Variants in RYR2 observed in about 807,000 individuals in gnomAD.
RYR2 encodes ryanodine receptor 2, also known as cardiac muscle ryanodine receptor-calcium release channel.
In RYR2, 227 loss-of-function variants were observed where a neutral mutation model predicts 601.1. The ratio of observed to expected loss-of-function variants is 0.38; its 90% confidence interval spans 0.34 to 0.42. RYR2 has a LOEUF of 0.42. Ranked by LOEUF, RYR2 falls within the 10% of genes least tolerant of loss-of-function variation. The pLI is 1.00. For synonymous variants in RYR2, 2,223 were observed against 2,175.1 expected (o/e 1.02, Z -0.61); for missense variants, 4,646 against 6,156.5 (o/e 0.75, Z 8.21).
At chr1:237,280,580 A>C (rs901646347) in intron 2 of RYR2, among the ~76,000 whole-genome samples, 5 of 152,220 alleles carry the variant, frequency 3.3e-5, no homozygotes, top group African/African-American at 1.2e-4. Flanking sequence ...TAAGTGTGGC[A>C]GAAAGGAAAT....
At chr1:237,408,362 T>A (rs961993114) in intron 10 of RYR2, among the ~76,000 whole-genome samples, 3 of 144,316 alleles carry the variant, frequency 2.1e-5, no homozygotes, top group Non-Finnish European at 4.5e-5. Flanking sequence ...AGTTAATTTT[T>A]ATGAAGGGCG....
rs71663222 is a variant in RYR2 at position 237,264,699 on chromosome 1, A to AT, written c.49-5785dup. Among the ~76,000 whole-genome samples, 529 of 147,162 alleles carry AT rather than the reference A, an allele frequency of 3.6e-3. 3 individuals are homozygous for AT. Among genetic ancestry groups the AT allele is most frequent in the African/African-American group, 0.011 (431 of 40,170 alleles). On this transcript the variant is annotated intron_variant, in intron 1 of 104. Coordinates refer to ENST00000366574, the MANE Select transcript of RYR2 (RefSeq NM_001035.3). The stretch of plus-strand genomic sequence containing the variant: ...CAGTTTATTTTTTATTATTATTATT[A>AT]TTTTTTTTTTTTTGAGACGGAGTCT...
At chr1:237,085,993 G>A (rs909644153) in intron 1 of RYR2, among the ~76,000 whole-genome samples, 4 of 152,174 alleles carry the variant, frequency 2.6e-5, no homozygotes, top group African/African-American at 4.8e-5. Context: ...GAGCTCAAGC[G>A]ACCTGACTGC....
chr1:237,352,773 T>A, intron 3 of RYR2: 2 of 460,588 alleles, frequency 4.3e-6, no homozygotes, highest in Non-Finnish European at 4.4e-6. Flanking sequence ...AGTAGATCTG[T>A]ACATTTGTGT....
At chr1:237,082,304 T>C (rs6662736) in intron 1 of RYR2, among the ~76,000 whole-genome samples, 8,297 of 142,798 alleles carry the variant, frequency 0.058, 773 homozygotes, top group African/African-American at 0.24. Context: ...GCACTAAGCA[T>C]GACTCTATTC....
At chr1:237,191,995 G>A (rs1680011741) in intron 1 of RYR2, among the ~76,000 whole-genome samples, 1 of 151,988 alleles carries the variant, frequency 6.6e-6, no homozygotes, top group African/African-American at 2.4e-5. Flanking sequence ...TTCCTTCCAT[G>A]GTCTTATCAC....
At position 237,655,930 on chromosome 1, in the gene RYR2, A is replaced by G. The variant is rs370072276; in HGVS notation, c.8075A>G (p.Gln2692Arg). Residue 2692 changes from glutamine (Q) to arginine (R), a missense_variant, in exon 53 of 105, where the codon CAG becomes CGG. Transcript: ENST00000366574. The part of the protein sequence containing the change: ...ESNYVSMMEK[Q>R]SSMDSEGNFN... ...AATTATGTCAGTATGATGGAAAAACAGTCATCAATGGATTCTGAAGGGAAC... is the reference window on the plus strand; with the variant it reads ...AATTATGTCAGTATGATGGAAAAACGGTCATCAATGGATTCTGAAGGGAAC... 2 of 1,613,270 alleles carry G rather than the reference A, an allele frequency of 1.2e-6. No individual in the cohort carries two copies. Among genetic ancestry groups the G allele is most frequent in the African/African-American group, 2.7e-5 (2 of 74,912 alleles).
intron 29 of RYR2, among the ~76,000 whole-genome samples, chr1:237,575,971 A>T (rs1454390700): frequency 6.6e-6 from 1 of 151,808 alleles, no homozygotes; most frequent in Non-Finnish European, 1.5e-5. Flanking sequence ...AGTTAAGAAA[A>T]GTAAATTAAA....
At chr1:237,302,203 T>C (rs1239588652) in intron 2 of RYR2, among the ~76,000 whole-genome samples, 2 of 152,210 alleles carry the variant, frequency 1.3e-5, no homozygotes, top group East Asian at 1.9e-4. Flanking sequence ...TTTCTGTTAT[T>C]TTACTGATTC....
chr1:237,613,360 T>G (rs1678097352), intron 36 of RYR2, among the ~76,000 whole-genome samples: 1 of 152,222 alleles, frequency 6.6e-6, no homozygotes, highest in Non-Finnish European at 1.5e-5. Context: ...GTATCATCAG[T>G]GCGCAGTGCT....
chr1:237,377,405 C>T lies in RYR2; in HGVS notation c.546C>T (p.Ile182=). 6.2e-7 allele frequency: 1 copy of T among 1,613,658 alleles called. No individual in the cohort carries two copies. The highest frequency in any genetic ancestry group is 8.5e-7 in the Non-Finnish European group (1 of 1,179,664). Residue 182 remains isoleucine, a synonymous_variant, in exon 8 of 105, where the codon ATC becomes ATT. Coordinates refer to ENST00000366574, the MANE Select transcript of RYR2 (RefSeq NM_001035.3). The part of the protein sequence containing the change: ...GEKVRVGDDL[I]LVSVSSERYL... ...AAGTACGAGTTGGAGATGACCTCAT[C>T]TTAGTTAGCGTGTCCTCTGAAAGGT...
At chr1:237,522,199 G>A (rs1667158214) in intron 24 of RYR2, among the ~76,000 whole-genome samples, 1 of 152,068 alleles carries the variant, frequency 6.6e-6, no homozygotes, top group Non-Finnish European at 1.5e-5. Flanking sequence ...TTTGGATCAG[G>A]GCTGTCCAAT....
rs565560559 is a variant in RYR2, at chr1:237,626,138, T to C, written c.6166+334T>C. 2.6e-5 allele frequency among the ~76,000 whole-genome samples: 4 copies of C among 152,346 alleles called. No individual in the cohort carries two copies. In the South Asian group the frequency reaches 6.2e-4, roughly 24 times the overall value. On this transcript the variant is annotated intron_variant, in intron 40 of 104. Coordinates refer to ENST00000366574, the MANE Select transcript of RYR2 (RefSeq NM_001035.3). ...TCTAAATATGAGGTCGATTTTCAAA[T>C]ATTATTGCATCAAATTAAACTTTTT...
intron 89 of RYR2, among the ~76,000 whole-genome samples, chr1:237,782,260 A>C (rs1241987979): frequency 1.4e-5 from 2 of 148,080 alleles, no homozygotes; most frequent in Non-Finnish European, 3.0e-5. Flanking sequence ...GCCAGAGTTT[A>C]AATCCTGGCT....
intron 98 of RYR2, 113 bp downstream of exon 98, chr1:237,802,029 T>C (rs1660036026): frequency 1.6e-6 from 1 of 635,432 alleles, no homozygotes; most frequent in Non-Finnish European, 2.9e-6. Flanking sequence ...CCAATTCATT[T>C]CATACAGACC....
chr1:237,149,706 C>T (rs1674488970), intron 1 of RYR2, among the ~76,000 whole-genome samples: 1 of 152,174 alleles, frequency 6.6e-6, no homozygotes, highest in Non-Finnish European at 1.5e-5. Context: ...TTTATTTTGA[C>T]TTCTCCGTTA....
At chr1:237,654,853 C>G (rs1439471567) in intron 52 of RYR2, among the ~76,000 whole-genome samples, 1 of 152,166 alleles carries the variant, frequency 6.6e-6, no homozygotes, top group African/African-American at 2.4e-5. Context: ...ATTTAGATAC[C>G]GTCGCTCAAT....
chr1:237,397,791 G>T (rs1417370195), intron 10 of RYR2, among the ~76,000 whole-genome samples: 1 of 149,844 alleles, frequency 6.7e-6, no homozygotes, highest in East Asian at 2.0e-4. Context: ...GCGCCATCTC[G>T]GCTCACTGTA....
At chr1:237,084,409 G>T (rs1483081686) in intron 1 of RYR2, among the ~76,000 whole-genome samples, 1 of 152,204 alleles carries the variant, frequency 6.6e-6, no homozygotes, top group Non-Finnish European at 1.5e-5. Context: ...GGGTATTATG[G>T]AAATTGAATG....
Sources: gnomAD v4.1 joint callset for allele counts (sites outside exome capture counted in the v4.1 genomes callset) on GRCh38, gnomAD v4.1.1 for gene constraint, MANE v1.5 for transcripts, NCBI Gene and HGNC (gene_info 2026-07-23, HGNC 2026-07-21) for gene names.